The following TBC1D9 variants were observed in gnomAD, a reference collection of about 807,000 sequenced individuals.
TBC1D9 encodes TBC1 domain family member 9A.
A neutral mutation model predicts 132.0 loss-of-function variants in TBC1D9; 63 were observed. The observed-to-expected ratio is 0.48, with a 90% CI of 0.39 to 0.59. TBC1D9 has a LOEUF of 0.59. Among genes scored for constraint, TBC1D9 ranks in the 20% least tolerant of loss-of-function variants. The pLI is 0.00. For missense variants in TBC1D9, 1,261 were observed against 1,592.7 expected (o/e 0.79, Z 3.54); for synonymous variants, 610 against 609.9 (o/e 1.00, Z 0.00).
Position 140,660,227 on chromosome 4 carries a change from G to A in TBC1D9, c.1804-522C>T, listed in dbSNP as rs116780868. On this transcript the variant is annotated intron_variant, in intron 10 of 20. Coordinates refer to ENST00000442267, the MANE Select transcript of TBC1D9 (RefSeq NM_015130.3). Reference sequence around the variant, plus strand: ...CATTTCCATACGGAGAGAGATGGTAGTGATAACTGAGAGTGATTTAAATTC... The same window carrying A: ...CATTTCCATACGGAGAGAGATGGTAATGATAACTGAGAGTGATTTAAATTC... Among the ~76,000 whole-genome samples, 541 of 152,334 alleles carry A rather than the reference G, an allele frequency of 3.6e-3. 4 individuals carry two copies. The highest frequency in any genetic ancestry group is 0.012 in the African/African-American group (512 of 41,580).
intron 2 of TBC1D9, among the ~76,000 whole-genome samples, chr4:140,687,389 T>TG (rs1455371874): frequency 0.08 from 6,589 of 82,086 alleles, 903 homozygotes; most frequent in African/African-American, 0.27. Flanking sequence ...TATATATATA[T>TG]ATATATAAAC....
intron 1 of TBC1D9, among the ~76,000 whole-genome samples, chr4:140,719,493 T>C (rs1398322270): frequency 2.0e-5 from 3 of 152,164 alleles, no homozygotes; most frequent in African/African-American, 7.2e-5. Flanking sequence ...CTTGCTAAAG[T>C]TATGTTCTGA....
At chr4:140,744,879 TAAAAAAAAAAA>T (rs34469042) in intron 1 of TBC1D9, among the ~76,000 whole-genome samples, 79 of 107,514 alleles carry the variant, frequency 7.3e-4, no homozygotes, top group Admixed American at 1.2e-3. Context: ...CAAGAGTGTT[TAAAAAAAAAAA>T]AAAAAAAAAA....
intron 1 of TBC1D9, among the ~76,000 whole-genome samples, chr4:140,720,052 A>G (rs1396415338): frequency 6.6e-6 from 1 of 152,200 alleles, no homozygotes; most frequent in Non-Finnish European, 1.5e-5. Flanking sequence ...ATTAAAGGAA[A>G]TATTGCACAT....
chr4:140,661,328 G>A (rs1251561373), intron 10 of TBC1D9, among the ~76,000 whole-genome samples: 1 of 152,140 alleles, frequency 6.6e-6, no homozygotes, highest in Admixed American at 6.5e-5. Flanking sequence ...TTAATACTAA[G>A]TTAAGCACTT....
intron 15 of TBC1D9, among the ~76,000 whole-genome samples, chr4:140,635,767 GA>G (rs1036875027): frequency 9.9e-5 from 15 of 152,134 alleles, no homozygotes; most frequent in Non-Finnish European, 1.8e-4. Flanking sequence ...GAGAATAAAG[GA>G]AACTGTGTCA....
intron 2 of TBC1D9, among the ~76,000 whole-genome samples, chr4:140,693,719 T>C (rs998073293): frequency 1.3e-5 from 2 of 152,232 alleles, no homozygotes; most frequent in African/African-American, 2.4e-5. Context: ...TGTTTAACTA[T>C]TGCCCAACTA....
At chr4:140,692,289 G>A (rs538319515) in intron 2 of TBC1D9, among the ~76,000 whole-genome samples, 1 of 152,340 alleles carries the variant, frequency 6.6e-6, no homozygotes, top group African/African-American at 2.4e-5. Flanking sequence ...AACAGGCTAT[G>A]TGGATCACTG....
chr4:140,646,840 A>C (rs1198810948), intron 13 of TBC1D9, among the ~76,000 whole-genome samples: 1 of 152,246 alleles, frequency 6.6e-6, no homozygotes, highest in Non-Finnish European at 1.5e-5. Context: ...AGTGCCTTCC[A>C]AAGGTGGAAT....
chr4:140,678,822 T>G, intron 5 of TBC1D9, 120 bp downstream of exon 5: 1 of 1,247,440 alleles, frequency 8.0e-7, no homozygotes, highest in Non-Finnish European at 1.1e-6. Context: ...TAGTTTTGTA[T>G]CTATACACAG....
chr4:140,673,752 T>C (rs1578834824), intron 6 of TBC1D9, among the ~76,000 whole-genome samples: 1 of 152,288 alleles, frequency 6.6e-6, no homozygotes. Context: ...AATATAGTCA[T>C]ATTTATTATT....
At chr4:140,623,578 C>T (rs2110961062) in intron 20 of TBC1D9, among the ~76,000 whole-genome samples, 1 of 152,228 alleles carries the variant, frequency 6.6e-6, no homozygotes, top group Admixed American at 6.5e-5. Flanking sequence ...CTTTAGCATG[C>T]ACCTCAATTT....
intron 13 of TBC1D9, chr4:140,642,384 A>G: frequency 1.2e-6 from 1 of 839,714 alleles, no homozygotes; most frequent in Non-Finnish European, 2.0e-6. Flanking sequence ...GGAAGATTTC[A>G]GAGACAGGCC....
chr4:140,666,721 T>G (rs1289488086), intron 9 of TBC1D9, among the ~76,000 whole-genome samples: 1 of 131,810 alleles, frequency 7.6e-6, no homozygotes, highest in Non-Finnish European at 1.6e-5. Context: ...ATTGCACAAT[T>G]CTGTGAATAT....
intron 1 of TBC1D9, among the ~76,000 whole-genome samples, chr4:140,745,844 A>G (rs970076363): frequency 6.6e-6 from 1 of 152,184 alleles, no homozygotes; most frequent in Admixed American, 6.5e-5. Context: ...CAGTACTTAC[A>G]AGCTGGCAAG....
intron 15 of TBC1D9, among the ~76,000 whole-genome samples, chr4:140,635,793 TTGGGACTGCATTCC>T (rs1388989648): frequency 7.1e-4 from 108 of 152,112 alleles, no homozygotes; most frequent in African/African-American, 2.3e-3. Flanking sequence ...TCCGTGGGCT[TTGGGACTGCATTCC>T]TGGGACTGCA....
chr4:140,721,408 T>A (rs1426491227), intron 1 of TBC1D9, among the ~76,000 whole-genome samples: 2 of 152,190 alleles, frequency 1.3e-5, no homozygotes, highest in Non-Finnish European at 2.9e-5. Flanking sequence ...ATTTGATGAA[T>A]GAGGACACTG....
chr4:140,642,202 TG>T, intron 13 of TBC1D9: 1 of 747,914 alleles, frequency 1.3e-6, no homozygotes, highest in Non-Finnish European at 2.4e-6. Context: ...GGAGGGGCCT[TG>T]GGCGGGCCAC....
chr4:140,717,950 C>T (rs1738364118), intron 1 of TBC1D9, among the ~76,000 whole-genome samples: 1 of 152,032 alleles, frequency 6.6e-6, no homozygotes. Context: ...ACCTTTTGTG[C>T]CCTGCAAACA....
Sources: gnomAD v4.1 joint callset for allele counts (sites outside exome capture counted in the v4.1 genomes callset) on GRCh38, gnomAD v4.1.1 for gene constraint, MANE v1.5 for transcripts, NCBI Gene and HGNC (gene_info 2026-07-23, HGNC 2026-07-21) for gene names.